Variants in FXYD6 observed in about 807,000 individuals in gnomAD.
FXYD6 encodes FXYD domain containing ion transport regulator 6.
In FXYD6, 7 loss-of-function variants were observed where a neutral mutation model predicts 16.7. That is an observed-to-expected ratio of 0.42 (90% CI 0.24 to 0.79). FXYD6 has a LOEUF of 0.79. Among genes scored for constraint, FXYD6 ranks in the 30% least tolerant of loss-of-function variants. The pLI is 0.28. For synonymous variants in FXYD6, 49 were observed against 43.0 expected, an observed-to-expected ratio of 1.14 and a Z score of -0.54; for missense variants, 111 against 116.2, an observed-to-expected ratio of 0.95 and a Z score of 0.21.
intron 6 of FXYD6, 194 bp downstream of exon 6, chr11:117,840,125 T>C (rs1285906208): frequency 2.0e-5 from 14 of 691,678 alleles, no homozygotes; most frequent in Non-Finnish European, 3.2e-5. Context: ...GCTCTGTAAA[T>C]AGCAGGTGAC....
Position 117,841,788 on chromosome 11 carries a change from T to C in FXYD6, c.172+3A>G. On this transcript the variant is annotated splice_donor_region_variant and intron_variant, in intron 4 of 7. Coordinates refer to ENST00000526014, the MANE Select transcript of FXYD6 (RefSeq NM_022003.4). ...AACAGAGTGAGCAAAAGAACAAACT[T>C]ACTTAGGATAAGGAGGATCCCAACC... 1 of 1,613,650 alleles carries C rather than the reference T, an allele frequency of 6.2e-7. No homozygotes were observed. The highest frequency in any genetic ancestry group is 8.5e-7 in the Non-Finnish European group (1 of 1,179,978).
chr11:117,858,677 TTCTTTCTTTC>T (rs1435769874), intron 1 of FXYD6, among the ~76,000 whole-genome samples: 3 of 87,700 alleles, frequency 3.4e-5, no homozygotes, highest in Non-Finnish European at 6.3e-5. Flanking sequence ...CTTTCTTTCT[TTCTTTCTTTC>T]TTTCTTTCTT....
At chr11:117,840,914 G>A (rs368682791) in intron 5 of FXYD6, among the ~76,000 whole-genome samples, 20 of 151,888 alleles carry the variant, frequency 1.3e-4, no homozygotes, top group East Asian at 1.2e-3. Flanking sequence ...TCCACTCCCC[G>A]TCCCCCACAT....
intron 1 of FXYD6, among the ~76,000 whole-genome samples, chr11:117,873,107 G>C (rs10750116): frequency 0.5 from 75,705 of 151,890 alleles, 19,515 homozygotes; most frequent in African/African-American, 0.61. Context: ...CCAGGAGGAG[G>C]TGGCTCCCTC....
intron 1 of FXYD6, among the ~76,000 whole-genome samples, chr11:117,847,705 TA>T (rs2056505967): frequency 1.3e-5 from 2 of 152,194 alleles, no homozygotes; most frequent in African/African-American, 4.8e-5. Context: ...CGTCATTTTT[TA>T]TGGCTGCATA....
intron 1 of FXYD6, chr11:117,844,198 G>A (rs186869893): frequency 6.6e-6 from 1 of 152,538 alleles, no homozygotes; most frequent in Non-Finnish European, 1.5e-5. Context: ...GCCACGTCAA[G>A]GCCCAAACCT....
At position 117,838,363 on chromosome 11, in the gene FXYD6, C is replaced by T. The variant is rs545982246; in HGVS notation, c.*22-86G>A. 4.2e-5 allele frequency: 29 copies of T among 697,636 alleles called. No individual in the cohort carries two copies. The African/African-American group carries it at 4.5e-4, about 11-fold the overall frequency. 43.2% of individuals were successfully genotyped at this position (697,636 alleles called of 1,614,324 possible). ...TTCTCTCCCTTCCTTGAGCACCTGC[C>T]CACTGAAATTCCCGGTATGACAGCC... On this transcript the variant is annotated intron_variant, in intron 7 of 7. Transcript: ENST00000526014.
intron 1 of FXYD6, among the ~76,000 whole-genome samples, chr11:117,850,074 A>G (rs557114314): frequency 6.6e-6 from 1 of 152,272 alleles, no homozygotes; most frequent in South Asian, 2.1e-4. Flanking sequence ...TGAATCTGCC[A>G]TTTCATTTCT....
intron 1 of FXYD6, among the ~76,000 whole-genome samples, chr11:117,847,278 G>A (rs2056491907): frequency 6.6e-6 from 1 of 152,048 alleles, no homozygotes; most frequent in Non-Finnish European, 1.5e-5. Flanking sequence ...GGTTTTCTCT[G>A]TAGATATATC....
intron 1 of FXYD6, among the ~76,000 whole-genome samples, chr11:117,843,095 G>A (rs774271873): frequency 2.6e-5 from 4 of 152,058 alleles, no homozygotes; most frequent in Non-Finnish European, 5.9e-5. Context: ...CATCATGCCC[G>A]GCTAATTTTT....
In FXYD6 at chr11:117,838,414, C is replaced by G. The variant is rs530780360; in HGVS notation, c.*22-137G>C. On this transcript the variant is annotated intron_variant, in intron 7 of 7. Coordinates refer to ENST00000526014, the MANE Select transcript of FXYD6 (RefSeq NM_022003.4). ...TCGTCTGAGACGCAGAGAAAGGAGACAAAGACACAGGGGAGGGGTGAACCT... is the reference window on the plus strand; with the variant it reads ...TCGTCTGAGACGCAGAGAAAGGAGAGAAAGACACAGGGGAGGGGTGAACCT... The G allele has an allele frequency of 1.0e-5, 7 of 670,824 alleles. No individual in the cohort carries two copies. The East Asian group carries it at 1.9e-4, about 18-fold the overall frequency. The allele number at this position is 670,824 out of a possible 1,614,324, so 41.6% of individuals were successfully genotyped here. A position where few individuals can be genotyped will look rare whatever the true frequency, so the allele number is the denominator to read the frequency against.
At chr11:117,850,042 C>T (rs1207280269) in intron 1 of FXYD6, among the ~76,000 whole-genome samples, 5 of 152,216 alleles carry the variant, frequency 3.3e-5, no homozygotes, top group African/African-American at 1.2e-4. Context: ...ATGCCACAAA[C>T]CCTGACTACG....
intron 1 of FXYD6, among the ~76,000 whole-genome samples, chr11:117,858,777 C>CTTCCTTCCTTCTTTCT (rs1356939879): frequency 2.7e-5 from 2 of 75,390 alleles, no homozygotes; most frequent in African/African-American, 9.0e-5. Flanking sequence ...TCCTTCCTTC[C>CTTCCTTCCTTCTTTCT]TTCTTTCTTT....
At chr11:117,852,690 T>C (rs1045345094) in intron 1 of FXYD6, among the ~76,000 whole-genome samples, 2 of 152,200 alleles carry the variant, frequency 1.3e-5, no homozygotes, top group African/African-American at 4.8e-5. Flanking sequence ...TTATGAAAAA[T>C]TCTTATCTCT....
At chr11:117,846,647 G>A (rs1181179839) in intron 1 of FXYD6, among the ~76,000 whole-genome samples, 1 of 152,160 alleles carries the variant, frequency 6.6e-6, no homozygotes, top group East Asian at 1.9e-4. Flanking sequence ...CTCATGATGG[G>A]CTATGCCACC....
At chr11:117,838,355 G>T in intron 7 of FXYD6, 78 bp from the exon 8 acceptor site, 1 of 698,504 alleles carries the variant, frequency 1.4e-6, no homozygotes, top group South Asian at 1.5e-5. Context: ...CCTTCCTTGA[G>T]CACCTGCCCA....
chr11:117,860,394 G>A (rs1408342221), intron 1 of FXYD6, among the ~76,000 whole-genome samples: 1 of 152,122 alleles, frequency 6.6e-6, no homozygotes, highest in Non-Finnish European at 1.5e-5. Context: ...AGAGCTCTGC[G>A]CAGAGAGCCA....
intron 1 of FXYD6, among the ~76,000 whole-genome samples, chr11:117,850,163 T>C (rs2056572964): frequency 6.6e-6 from 1 of 151,626 alleles, no homozygotes; most frequent in Non-Finnish European, 1.5e-5. Flanking sequence ...GCCTTATCTT[T>C]GGGGAGGCGG....
intron 2 of FXYD6, 185 bp from the exon 3 acceptor site, chr11:117,842,213 A>G: frequency 1.3e-6 from 1 of 787,130 alleles, no homozygotes; most frequent in Non-Finnish European, 2.0e-6. Context: ...GGGAACCCTA[A>G]GGGCCGAGGT....
Sources: allele counts gnomAD v4.1 joint callset (sites outside exome capture counted in the v4.1 genomes callset), GRCh38; gene constraint gnomAD v4.1.1; transcripts MANE v1.5; gene names NCBI Gene and HGNC (gene_info 2026-07-23, HGNC 2026-07-21).